Variants in KCNQ1OT1 observed in about 807,000 individuals in gnomAD.
KCNQ1OT1 encodes KCNQ1 opposite strand/antisense transcript 1, also known as KCNQ1 antisense RNA 2 (non-protein coding).
exon 1 of KCNQ1OT1, chr11:2,614,049 C>G (rs7483375): frequency 2.0e-5 from 8 of 398,428 alleles, no homozygotes; most frequent in African/African-American, 1.2e-4. Context: ...GTGCTATAAC[C>G]TTTCAACCAA....
chr11:2,681,950 C>G (rs1007252321), exon 1 of KCNQ1OT1: 7 of 398,496 alleles, frequency 1.8e-5, no homozygotes, highest in Admixed American at 4.4e-5. Flanking sequence ...AATGATACTA[C>G]TACTTACACT....
In KCNQ1OT1 at chr11:2,695,328, T is replaced by TTGTGTGTG. The variant is rs61588088; in HGVS notation, n.4659_4666dup. 1.2e-4 allele frequency: 49 copies of TTGTGTGTG among 393,960 alleles called. No homozygotes were observed. The East Asian group carries it at 1.7e-3, about 14-fold the overall frequency. 24.4% of individuals were successfully genotyped at this position (393,960 alleles called of 1,614,324 possible). On this transcript the variant is annotated non_coding_transcript_exon_variant, in exon 1 of 1. Transcript: ENST00000597346. This position sits in a 1 kb window ranked among gnomAD's most constrained non-coding sequence, Gnocchi z 5.2. ...TCTCCAGGGTAATTTATTTATATCA[T>TTGTGTGTG]TGTGTGTGTGTGTGTGCACTCACGA... is the stretch of plus-strand genomic sequence containing the variant.
exon 1 of KCNQ1OT1, chr11:2,618,500 G>C (rs960202439): frequency 5.0e-6 from 2 of 398,460 alleles, no homozygotes; most frequent in Non-Finnish European, 4.4e-6. Flanking sequence ...GTGGAAAATT[G>C]GTTGATCATA....
Position 2,647,275 on chromosome 11 carries a change from A to C in KCNQ1OT1, n.52720T>G. 2.5e-6 allele frequency: 1 copy of C among 398,354 alleles called. No individual in the cohort carries two copies. The highest frequency in any genetic ancestry group is 3.6e-5 in the East Asian group (1 of 28,054). The allele number at this position is 398,354 out of a possible 1,614,324, so 24.7% of individuals were successfully genotyped here. A position where few individuals can be genotyped will look rare whatever the true frequency, so the allele number is the denominator to read the frequency against. On this transcript the variant is annotated non_coding_transcript_exon_variant, in exon 1 of 1. Coordinates refer to ENST00000597346, the Ensembl canonical transcript of KCNQ1OT1. This position sits in a 1 kb window ranked among gnomAD's most constrained non-coding sequence, Gnocchi z 4.0. Reference sequence around the variant, plus strand: ...TCCTTCTGTTAATGTGATGTATCACATTTATTGATTTGTATATGTTGAACC... The same window carrying C: ...TCCTTCTGTTAATGTGATGTATCACCTTTATTGATTTGTATATGTTGAACC...
chr11:2,677,404 T>C lies in KCNQ1OT1; in HGVS notation n.22591A>G, dbSNP rs16928538. On this transcript the variant is annotated non_coding_transcript_exon_variant, in exon 1 of 1. Transcript: ENST00000597346. This position sits in a 1 kb window ranked among gnomAD's most constrained non-coding sequence, Gnocchi z 4.5. ...GAGGAAACCAAGATCGATGCCTAGA[T>C]AAGCATTTCAGAGGACAGCAGGGGA... 0.041 allele frequency: 16,329 copies of C among 398,532 alleles called. 541 individuals carry two copies. The highest frequency in any genetic ancestry group is 0.1 in the African/African-American group (5,044 of 48,706). The allele number at this position is 398,532 out of a possible 1,614,324, so 24.7% of individuals were successfully genotyped here. A position where few individuals can be genotyped will look rare whatever the true frequency, so the allele number is the denominator to read the frequency against.
Position 2,682,487 on chromosome 11 carries a change from T to TGAGTGAGG in KCNQ1OT1, n.17507_17508insCCTCACTC, listed in dbSNP as rs994657528. The TGAGTGAGG allele has an allele frequency of 7.5e-6, 3 of 397,358 alleles. No individual in the cohort carries two copies. The highest frequency in any genetic ancestry group is 1.3e-5 in the Non-Finnish European group (3 of 225,820). The allele number at this position is 397,358 out of a possible 1,614,324, so 24.6% of individuals were successfully genotyped here. On this transcript the variant is annotated non_coding_transcript_exon_variant, in exon 1 of 1. Transcript: ENST00000597346. This position sits in a 1 kb window ranked among gnomAD's most constrained non-coding sequence, Gnocchi z 5.8. ...AGTGAATGTTTGACGAGTGAGTGAG[T>TGAGTGAGG]GAGTGAGTGAGTGAGTGAGTACTTG...
exon 1 of KCNQ1OT1, chr11:2,632,711 A>G (rs1489284396): frequency 1.8e-5 from 7 of 398,284 alleles, no homozygotes; most frequent in Admixed American, 4.4e-5. Context: ...TTCATTTAAC[A>G]TATTATCCAA....
chr11:2,648,255 T>A (rs190047426), exon 1 of KCNQ1OT1: 45 of 398,652 alleles, frequency 1.1e-4, no homozygotes, highest in South Asian at 1.3e-4. Context: ...TTTTTTACCT[T>A]TTATCTCTAT....
At position 2,695,328 on chromosome 11, in the gene KCNQ1OT1, T is replaced by TTG. The variant is rs61588088; in HGVS notation, n.4665_4666dup. The TTG allele has an allele frequency of 0.13, 50,879 of 393,172 alleles. 2,348 individuals are homozygous for TTG. The highest frequency in any genetic ancestry group is 0.21 in the African/African-American group (9,991 of 48,262). The allele number at this position is 393,172 out of a possible 1,614,324, so 24.4% of individuals were successfully genotyped here. Reference sequence around the variant, plus strand: ...TCTCCAGGGTAATTTATTTATATCATTGTGTGTGTGTGTGTGCACTCACGA... The same window carrying TTG: ...TCTCCAGGGTAATTTATTTATATCATTGTGTGTGTGTGTGTGTGCACTCACGA... On this transcript the variant is annotated non_coding_transcript_exon_variant, in exon 1 of 1. Transcript: ENST00000597346. The surrounding 1 kb of genome is among the most constrained non-coding windows in gnomAD (Gnocchi z 5.2).
rs189157939 is a variant in KCNQ1OT1, at chr11:2,627,465, C to G, written n.72530G>C. 1 of 398,376 alleles carries G rather than the reference C, an allele frequency of 2.5e-6. No homozygotes were observed. The highest frequency in any genetic ancestry group is 4.4e-6 in the Non-Finnish European group (1 of 226,046). 24.7% of individuals were successfully genotyped at this position (398,376 alleles called of 1,614,324 possible). On this transcript the variant is annotated non_coding_transcript_exon_variant, in exon 1 of 1. Coordinates refer to ENST00000597346, the Ensembl canonical transcript of KCNQ1OT1. The surrounding 1 kb of genome is among the most constrained non-coding windows in gnomAD (Gnocchi z 4.9). ...TCAACATTTCCTATTTCCCCTACTC[C>G]CTGACCCCTAGTAACCACCCTTCTA...
chr11:2,667,618 T>G, exon 1 of KCNQ1OT1: 1 of 398,526 alleles, frequency 2.5e-6, no homozygotes, highest in Non-Finnish European at 4.4e-6. Context: ...CCCATATAGA[T>G]CTCTTGTGTG....
chr11:2,631,661 G>T, exon 1 of KCNQ1OT1: 2 of 398,464 alleles, frequency 5.0e-6, no homozygotes, highest in South Asian at 2.6e-4. Flanking sequence ...TTGTTACAAT[G>T]AATTGAAATC....
Position 2,698,105 on chromosome 11 carries a change from C to T in KCNQ1OT1, n.1890G>A, listed in dbSNP as rs761747339. The T allele has an allele frequency of 1.4e-4, 56 of 398,532 alleles. No individual in the cohort carries two copies. Among genetic ancestry groups the T allele is most frequent in the Non-Finnish European group, 2.3e-4 (52 of 226,080 alleles). 24.7% of individuals were successfully genotyped at this position (398,532 alleles called of 1,614,324 possible). A position where few individuals can be genotyped will look rare whatever the true frequency, so the allele number is the denominator to read the frequency against. ...GTACTGACTGAGTAAGGCTGTGTATCAGGCTCTTGGCTGGGTACAGAGCAG... is the reference window on the plus strand; with the variant it reads ...GTACTGACTGAGTAAGGCTGTGTATTAGGCTCTTGGCTGGGTACAGAGCAG... On this transcript the variant is annotated non_coding_transcript_exon_variant, in exon 1 of 1. Coordinates refer to ENST00000597346, the Ensembl canonical transcript of KCNQ1OT1. This position sits in a 1 kb window ranked among gnomAD's most constrained non-coding sequence, Gnocchi z 5.1.
chr11:2,631,309 T>G (rs1057333384), exon 1 of KCNQ1OT1: 1 of 398,454 alleles, frequency 2.5e-6, no homozygotes, highest in Non-Finnish European at 4.4e-6. Flanking sequence ...CTGGTTATTT[T>G]CAAATAATTT....
chr11:2,627,895 C>A lies in KCNQ1OT1; in HGVS notation n.72100G>T. 2 of 398,618 alleles carry A rather than the reference C, an allele frequency of 5.0e-6. No homozygotes were observed. Among genetic ancestry groups the A allele is most frequent in the South Asian group, 2.6e-4 (2 of 7,794 alleles). 24.7% of individuals were successfully genotyped at this position (398,618 alleles called of 1,614,324 possible). A position where few individuals can be genotyped will look rare whatever the true frequency, so the allele number is the denominator to read the frequency against. ...CCTCCTGAGTAGCTGGGACCACAGT[C>A]ATGCACCCCCATGCCCAGCTAATTT... is the stretch of plus-strand genomic sequence containing the variant. On this transcript the variant is annotated non_coding_transcript_exon_variant, in exon 1 of 1. Transcript: ENST00000597346. This position sits in a 1 kb window ranked among gnomAD's most constrained non-coding sequence, Gnocchi z 4.9.
chr11:2,662,776 T>C lies in KCNQ1OT1; in HGVS notation n.37219A>G, dbSNP rs542852747. On this transcript the variant is annotated non_coding_transcript_exon_variant, in exon 1 of 1. Transcript: ENST00000597346. Reference sequence around the variant, plus strand: ...GCTGCTAACCCGTTGGGGATTCCCCTTGATAAATGTCTTTGTGTCAAGATC... The same window carrying C: ...GCTGCTAACCCGTTGGGGATTCCCCCTGATAAATGTCTTTGTGTCAAGATC... 1.2e-3 allele frequency: 495 copies of C among 399,216 alleles called. 1 individual carries two copies. Among genetic ancestry groups the C allele is most frequent in the Non-Finnish European group, 1.9e-3 (439 of 226,490 alleles). 24.7% of individuals were successfully genotyped at this position (399,216 alleles called of 1,614,324 possible). A position where few individuals can be genotyped will look rare whatever the true frequency, so the allele number is the denominator to read the frequency against.
chr11:2,630,357 T>C (rs190724422), exon 1 of KCNQ1OT1: 2 of 398,284 alleles, frequency 5.0e-6, no homozygotes, highest in African/African-American at 4.1e-5. Flanking sequence ...TAAAAAAATA[T>C]CAGCCAGTTA....
Position 2,658,903 on chromosome 11 carries a change from A to G in KCNQ1OT1, n.41092T>C, listed in dbSNP as rs1650591388. On this transcript the variant is annotated non_coding_transcript_exon_variant, in exon 1 of 1. Coordinates refer to ENST00000597346, the Ensembl canonical transcript of KCNQ1OT1. The surrounding 1 kb of genome is among the most constrained non-coding windows in gnomAD (Gnocchi z 4.9). ...TGTGTAACCCTATTGTACACGTAGT[A>G]CCCTATGTGAAGCAAATTTACCTAC... 1 of 398,494 alleles carries G rather than the reference A, an allele frequency of 2.5e-6. No individual in the cohort carries two copies. Among genetic ancestry groups the G allele is most frequent in the Non-Finnish European group, 4.4e-6 (1 of 226,026 alleles). 24.7% of individuals were successfully genotyped at this position (398,494 alleles called of 1,614,324 possible).
At chr11:2,631,378 A>G (rs1210997600) in exon 1 of KCNQ1OT1, 2 of 396,962 alleles carry the variant, frequency 5.0e-6, no homozygotes, top group African/African-American at 4.1e-5. Context: ...GATGCTTTCT[A>G]TTTCACTTTT....
Sources: allele counts gnomAD v4.1 joint callset, GRCh38; gene constraint gnomAD v4.1.1; non-coding constraint Gnocchi (gnomAD v3.1); transcripts MANE v1.5; gene names NCBI Gene and HGNC (gene_info 2026-07-23, HGNC 2026-07-21).